The following PPIG variants were observed in gnomAD, a reference collection of about 807,000 sequenced individuals.
PPIG encodes peptidylprolyl isomerase G, also known as peptidyl-prolyl cis-trans isomerase G.
PPIG carries 26 observed loss-of-function variants against 87.9 expected under a neutral mutation model. The observed-to-expected ratio is 0.30, with a 90% CI of 0.22 to 0.41. The LOEUF (loss-of-function observed/expected upper bound fraction) is 0.41. Among genes scored for constraint, PPIG ranks in the 10% least tolerant of loss-of-function variants. PPIG has a pLI of 1.00. For synonymous variants in PPIG, 308 were observed against 276.5 expected (o/e 1.11, Z -1.13); for missense variants, 722 against 879.4 (o/e 0.82, Z 2.26).
At chr2:169,624,690 C>T (rs1457141109) in intron 9 of PPIG, among the ~76,000 whole-genome samples, 3 of 152,254 alleles carry the variant, frequency 2.0e-5, no homozygotes, top group Admixed American at 6.5e-5. Context: ...CTGGTTCACG[C>T]GATTCTCCTG....
intron 6 of PPIG, 101 bp from the exon 7 acceptor site, chr2:169,608,570 T>A (rs1325599930): frequency 1.7e-6 from 1 of 599,418 alleles, no homozygotes; most frequent in East Asian, 3.1e-5. Flanking sequence ...AAGTAAGTTG[T>A]GTGTGGCACT....
chr2:169,613,534 G>A (rs1685543198), intron 7 of PPIG, among the ~76,000 whole-genome samples: 1 of 152,116 alleles, frequency 6.6e-6, no homozygotes, highest in Non-Finnish European at 1.5e-5. Flanking sequence ...GGTTGATGGT[G>A]GGGAGTGGGA....
In PPIG at chr2:169,641,274, ATGC is replaced by A. The variant is rs555231511; in HGVS notation, c.*3756_*3758del. 12 of 152,170 alleles carry A rather than the reference ATGC, an allele frequency of 7.9e-5. No homozygotes were observed. The highest frequency in any genetic ancestry group is 1.0e-4 in the Non-Finnish European group (7 of 68,012). The allele number at this position is 152,170 out of a possible 1,614,324, so 9.4% of individuals were successfully genotyped here. On this transcript the variant is annotated 3_prime_UTR_variant, in exon 14 of 14. Transcript: ENST00000260970. ...TCTCAATTGTAAAATTAGTTTCAAA[ATGC>A]TGCTTCTCTTATCATTAGTCTAGTA...
At chr2:169,599,866 CA>C (rs781066719) in intron 1 of PPIG, among the ~76,000 whole-genome samples, 18 of 152,118 alleles carry the variant, frequency 1.2e-4, no homozygotes, top group Non-Finnish European at 2.2e-4. Context: ...GCAACTATGA[CA>C]ATGTATTTTC....
In PPIG at chr2:169,640,042, T is replaced by TA. The variant is rs1351835425; in HGVS notation, c.*2520dup. On this transcript the variant is annotated 3_prime_UTR_variant, in exon 14 of 14. Transcript: ENST00000260970. ...ATTTTCATGGTTATTTTGTATGAAT[T>TA]ATTTTTCTGGGTAAGCCATCTGCCA... 2.0e-5 allele frequency: 3 copies of TA among 152,208 alleles called. No homozygotes were observed. Among genetic ancestry groups the TA allele is most frequent in the African/African-American group, 7.2e-5 (3 of 41,460 alleles). 9.4% of individuals were successfully genotyped at this position (152,208 alleles called of 1,614,324 possible). A position where few individuals can be genotyped will look rare whatever the true frequency, so the allele number is the denominator to read the frequency against.
chr2:169,619,035 G>A (rs1397784288), intron 9 of PPIG, among the ~76,000 whole-genome samples: 6 of 151,908 alleles, frequency 3.9e-5, no homozygotes, highest in African/African-American at 4.8e-5. Flanking sequence ...AATTTCCCTC[G>A]AAACACTACT....
chr2:169,597,355 G>C (rs952044276), intron 1 of PPIG, among the ~76,000 whole-genome samples: 2 of 152,038 alleles, frequency 1.3e-5, no homozygotes, highest in Non-Finnish European at 2.9e-5. Flanking sequence ...GTGCAGTGAT[G>C]CTACCATAGC....
chr2:169,633,454 AC>A (rs1186630300), intron 12 of PPIG: 19 of 594,260 alleles, frequency 3.2e-5, no homozygotes, highest in Non-Finnish European at 4.1e-5. Flanking sequence ...AATAGATTTT[AC>A]ATTTACATGG....
chr2:169,624,418 GC>G (rs1414931914), intron 9 of PPIG, among the ~76,000 whole-genome samples: 3 of 152,080 alleles, frequency 2.0e-5, no homozygotes, highest in African/African-American at 7.2e-5. Context: ...ACCAGAAATG[GC>G]CCAAGTTGAA....
intron 1 of PPIG, among the ~76,000 whole-genome samples, chr2:169,587,910 C>T (rs1684750341): frequency 6.6e-6 from 1 of 152,148 alleles, no homozygotes. Flanking sequence ...AATCCCAGCA[C>T]TTTGGGAGGC....
chr2:169,618,891 A>G (rs1390438859), intron 9 of PPIG, among the ~76,000 whole-genome samples: 12 of 147,590 alleles, frequency 8.1e-5, no homozygotes, highest in Non-Finnish European at 9.0e-5. Flanking sequence ...GATCTTAGGT[A>G]TTTCTCGTCT....
At chr2:169,596,680 A>G (rs867703730) in intron 1 of PPIG, among the ~76,000 whole-genome samples, 11 of 151,982 alleles carry the variant, frequency 7.2e-5, no homozygotes, top group East Asian at 1.9e-4. Flanking sequence ...GAGCCACGCA[A>G]CCAGCACTAA....
At chr2:169,601,434 C>T (rs552141578) in intron 1 of PPIG, among the ~76,000 whole-genome samples, 1 of 152,214 alleles carries the variant, frequency 6.6e-6, no homozygotes, top group South Asian at 2.1e-4. Context: ...AATTGAATAT[C>T]AATTAGCAAT....
intron 9 of PPIG, among the ~76,000 whole-genome samples, chr2:169,616,062 T>C (rs140250395): frequency 3.3e-4 from 50 of 152,206 alleles, no homozygotes; most frequent in Non-Finnish European, 6.5e-4. Flanking sequence ...TGTGTTCTCA[T>C]TGTTCAACTT....
intron 1 of PPIG, among the ~76,000 whole-genome samples, chr2:169,591,781 A>ATT (rs35299903): frequency 0.1 from 15,070 of 149,396 alleles, 951 homozygotes; most frequent in Middle Eastern, 0.18. Flanking sequence ...ACATATTGTG[A>ATT]TTTTTTTTTT....
chr2:169,604,300 G>A, intron 4 of PPIG, 39 bp downstream of exon 4: 4 of 762,520 alleles, frequency 5.2e-6, no homozygotes, highest in Non-Finnish European at 4.1e-6. Flanking sequence ...AGTAGTCTCA[G>A]TTGACTATGG....
chr2:169,604,305 C>A, intron 4 of PPIG, 44 bp downstream of exon 4: 31 of 572,682 alleles, frequency 5.4e-5, no homozygotes, highest in Non-Finnish European at 8.5e-5. Context: ...TCTCAGTTGA[C>A]TATGGCTTGC....
intron 9 of PPIG, among the ~76,000 whole-genome samples, chr2:169,615,737 T>C (rs1685593940): frequency 6.6e-6 from 1 of 152,202 alleles, no homozygotes; most frequent in African/African-American, 2.4e-5. Context: ...TTAGCTATTG[T>C]GAATAATGCA....
intron 12 of PPIG, among the ~76,000 whole-genome samples, chr2:169,635,018 T>A (rs970717976): frequency 6.6e-6 from 1 of 151,850 alleles, no homozygotes; most frequent in South Asian, 2.1e-4. Context: ...AGTAATGATA[T>A]CAAAACATGT....
Sources: gnomAD v4.1 joint callset for allele counts (sites outside exome capture counted in the v4.1 genomes callset) on GRCh38, gnomAD v4.1.1 for gene constraint, MANE v1.5 for transcripts, NCBI Gene and HGNC (gene_info 2026-07-23, HGNC 2026-07-21) for gene names.